NKAIN2: variants seen among roughly 807,000 people sequenced by gnomAD.
NKAIN2 encodes sodium/potassium transporting ATPase interacting 2.
NKAIN2 carries 14 observed loss-of-function variants against 32.6 expected under a neutral mutation model. That is an observed-to-expected ratio of 0.43 (90% CI 0.28 to 0.67). NKAIN2 has a LOEUF of 0.67. NKAIN2 is among the 30% of genes least tolerant of loss of function. The pLI is 0.17. For synonymous variants in NKAIN2, 80 were observed against 87.2 expected (o/e 0.92, Z 0.46); for missense variants, 198 against 258.3 (o/e 0.77, Z 1.60).
At chr6:123,858,262 C>A (rs1436832522) in intron 1 of NKAIN2, among the ~76,000 whole-genome samples, 2 of 151,860 alleles carry the variant, frequency 1.3e-5, no homozygotes, top group Admixed American at 1.3e-4. Flanking sequence ...ATTACAGGTG[C>A]CCACCACCAC....
intron 3 of NKAIN2, among the ~76,000 whole-genome samples, chr6:124,457,726 C>T (rs1426841867): frequency 6.6e-6 from 1 of 151,820 alleles, no homozygotes; most frequent in Admixed American, 6.6e-5. Flanking sequence ...TCATGATGGC[C>T]CCACATACTC....
chr6:124,270,401 C>T (rs1026723037), intron 1 of NKAIN2, among the ~76,000 whole-genome samples: 1 of 151,870 alleles, frequency 6.6e-6, no homozygotes, highest in African/African-American at 2.4e-5. Context: ...TTTTTGGAAA[C>T]TTTATCAGCT....
At chr6:123,850,682 T>C (rs1346865652) in intron 1 of NKAIN2, among the ~76,000 whole-genome samples, 1 of 152,220 alleles carries the variant, frequency 6.6e-6, no homozygotes, top group Admixed American at 6.5e-5. Context: ...ATGCAGTTGC[T>C]AAATTGAGCG....
chr6:124,257,783 T>TG (rs1191139088), intron 1 of NKAIN2, among the ~76,000 whole-genome samples: 6 of 149,258 alleles, frequency 4.0e-5, no homozygotes, highest in African/African-American at 1.5e-4. Flanking sequence ...TTCTTTTCTT[T>TG]TTTTTTTTTT....
intron 1 of NKAIN2, among the ~76,000 whole-genome samples, chr6:124,016,216 G>T (rs982672684): frequency 1.2e-4 from 19 of 152,084 alleles, no homozygotes; most frequent in African/African-American, 4.1e-4. Context: ...TAATGAAAGG[G>T]CAAGGAACCA....
intron 1 of NKAIN2, among the ~76,000 whole-genome samples, chr6:123,908,144 T>A (rs1774984484): frequency 6.6e-6 from 1 of 152,192 alleles, no homozygotes; most frequent in Non-Finnish European, 1.5e-5. Flanking sequence ...AACTTCATAA[T>A]GAGTTTCCCT....
intron 3 of NKAIN2, among the ~76,000 whole-genome samples, chr6:124,565,226 C>G (rs953100041): frequency 6.6e-6 from 1 of 152,156 alleles, no homozygotes; most frequent in African/African-American, 2.4e-5. Context: ...AGAATGAGCA[C>G]AAACTAATTG....
intron 1 of NKAIN2, chr6:124,282,296 G>C: frequency 2.9e-6 from 1 of 339,408 alleles, no homozygotes; most frequent in South Asian, 2.3e-5. Context: ...AGTGATGCTT[G>C]ATTTTTGTGT....
chr6:123,910,817 A>C (rs942704295), intron 1 of NKAIN2, among the ~76,000 whole-genome samples: 6 of 151,920 alleles, frequency 3.9e-5, no homozygotes, highest in African/African-American at 1.5e-4. Flanking sequence ...GCATGCTTTT[A>C]AATTTAGAAG....
intron 1 of NKAIN2, among the ~76,000 whole-genome samples, chr6:124,075,769 T>A (rs1783669863): frequency 1.3e-5 from 2 of 152,094 alleles, no homozygotes; most frequent in Non-Finnish European, 2.9e-5. Context: ...CTAATTTTTG[T>A]ATTTTTAGTA....
intron 1 of NKAIN2, among the ~76,000 whole-genome samples, chr6:123,922,750 C>T (rs1208293968): frequency 1.3e-5 from 2 of 152,002 alleles, no homozygotes; most frequent in African/African-American, 2.4e-5. Flanking sequence ...CAGTTGTTTC[C>T]TTGTATATGT....
intron 3 of NKAIN2, among the ~76,000 whole-genome samples, chr6:124,611,146 TC>T (rs1367678266): frequency 2.0e-5 from 3 of 152,142 alleles, no homozygotes; most frequent in Non-Finnish European, 2.9e-5. Context: ...AAACTCTACT[TC>T]TTTTAAAATA....
intron 4 of NKAIN2, among the ~76,000 whole-genome samples, chr6:124,773,872 T>C (rs1417267291): frequency 6.6e-6 from 1 of 152,102 alleles, no homozygotes; most frequent in Non-Finnish European, 1.5e-5. Flanking sequence ...ACTGAGAAAA[T>C]ATTGCATGCC....
At chr6:124,193,657 C>G (rs1790143965) in intron 1 of NKAIN2, among the ~76,000 whole-genome samples, 1 of 152,120 alleles carries the variant, frequency 6.6e-6, no homozygotes, top group South Asian at 2.1e-4. Flanking sequence ...TTAGCCCTGC[C>G]ATTCAGTAGG....
chr6:124,181,485 C>T (rs1020128448), intron 1 of NKAIN2, among the ~76,000 whole-genome samples: 1 of 152,112 alleles, frequency 6.6e-6, no homozygotes, highest in African/African-American at 2.4e-5. Context: ...ATTTTCTGAA[C>T]TTTTATGCTC....
At chr6:124,803,115 A>G (rs1012707854) in intron 5 of NKAIN2, among the ~76,000 whole-genome samples, 4 of 152,226 alleles carry the variant, frequency 2.6e-5, no homozygotes, top group African/African-American at 9.6e-5. Context: ...ATTCTTCTGC[A>G]TTTGACAAAG....
At chr6:123,855,730 G>C (rs550081904) in intron 1 of NKAIN2, among the ~76,000 whole-genome samples, 1 of 152,318 alleles carries the variant, frequency 6.6e-6, no homozygotes, top group South Asian at 2.1e-4. Flanking sequence ...AAGGCTATTT[G>C]TGTATCCTGC....
chr6:124,753,469 C>A (rs191551423), intron 4 of NKAIN2, among the ~76,000 whole-genome samples: 2 of 152,152 alleles, frequency 1.3e-5, no homozygotes, highest in East Asian at 3.9e-4. Context: ...CACTAAGATT[C>A]TTTTTTCATA....
chr6:124,358,045 A>C (rs550066710), intron 3 of NKAIN2, among the ~76,000 whole-genome samples: 59 of 152,170 alleles, frequency 3.9e-4, no homozygotes, highest in African/African-American at 1.2e-3. Context: ...TTGTCCTTGC[A>C]ATAGTTTGCT....
Sources: gnomAD v4.1 joint callset for allele counts (sites outside exome capture counted in the v4.1 genomes callset) on GRCh38, gnomAD v4.1.1 for gene constraint, MANE v1.5 for transcripts, NCBI Gene and HGNC (gene_info 2026-07-23, HGNC 2026-07-21) for gene names.